NPTX1: variants seen among roughly 807,000 people sequenced by gnomAD.
NPTX1 encodes neuronal pentraxin 1.
NPTX1 carries 12 observed loss-of-function variants against 38.7 expected under a neutral mutation model. The observed-to-expected ratio is 0.31, with a 90% confidence interval of 0.20 to 0.50. The LOEUF is 0.50. Ranked by LOEUF, NPTX1 falls within the 20% of genes least tolerant of loss-of-function variation. The probability of loss-of-function intolerance (pLI) is 0.98; values close to 1 mark genes in which losing one functional copy is unlikely to be tolerated. For synonymous variants in NPTX1, 272 were observed against 264.9 expected (o/e 1.03, Z -0.26); for missense variants, 454 against 592.2 (o/e 0.77, Z 2.42).
In NPTX1 at chr17:80,470,660, A is replaced by T. The variant is rs549894203; in HGVS notation, c.*153T>A. On this transcript the variant is annotated 3_prime_UTR_variant, in exon 5 of 5. Coordinates refer to ENST00000306773, the MANE Select transcript of NPTX1 (RefSeq NM_002522.4). ...TGGGAGCAGGGGCTGCTTCGTGTGC[A>T]TGAGGACAAAACCAGGCTGTGTGCG... 2 of 588,426 alleles carry T rather than the reference A, an allele frequency of 3.4e-6. No homozygotes were observed. 36.5% of individuals were successfully genotyped at this position (588,426 alleles called of 1,614,324 possible).
rs1049366187 is a variant in NPTX1 at position 80,467,479 on chromosome 17, T to C, written c.*3334A>G. Reference sequence around the variant, plus strand: ...CTCCAAGACACAGGTTCACCATAAATGGCCAGTTTTACCTCCTGGTCCCCA... The same window carrying C: ...CTCCAAGACACAGGTTCACCATAAACGGCCAGTTTTACCTCCTGGTCCCCA... On this transcript the variant is annotated 3_prime_UTR_variant, in exon 5 of 5. Transcript: ENST00000306773. 6.6e-6 allele frequency: 1 copy of C among 152,618 alleles called. No homozygotes were observed. The highest frequency in any genetic ancestry group is 2.1e-4 in the South Asian group (1 of 4,832). The allele number at this position is 152,618 out of a possible 1,614,324, so 9.5% of individuals were successfully genotyped here.
chr17:80,471,669 T>C (rs2083842875), intron 4 of NPTX1, 63 bp downstream of exon 4: 1 of 1,551,564 alleles, frequency 6.4e-7, no homozygotes. Flanking sequence ...CTTGCTCCTC[T>C]TCCCCTTCCC....
chr17:80,474,011 G>A (rs2083858731), intron 2 of NPTX1: 1 of 158,838 alleles, frequency 6.3e-6, no homozygotes, highest in African/African-American at 2.4e-5. Context: ...CCTCTTGGGT[G>A]TGAGGCTGGG....
rs768187298 is a variant in NPTX1, at chr17:80,471,855, G to A, written c.954C>T (p.Thr318=). ...CCCAGACCCCGTCCCGGGTGGTCCA[G>A]GTGACACAGATGTGGTGCCACTTGC... ...NDGKWHHICV[T]WTTRDGVWEA... is the part of the protein sequence containing the mutation. The change falls in exon 4 of 5, where the codon ACC becomes ACT. Residue 318 remains threonine, a synonymous_variant. Transcript: ENST00000306773. 1 of 1,613,700 alleles carries A rather than the reference G, an allele frequency of 6.2e-7. No homozygotes were observed. The highest frequency in any genetic ancestry group is 8.5e-7 in the Non-Finnish European group (1 of 1,180,008).
chr17:80,472,080 C>T (rs937363666), intron 3 of NPTX1, among the ~76,000 whole-genome samples, 169 bp from the exon 4 acceptor site: 15 of 152,260 alleles, frequency 9.9e-5, no homozygotes, highest in African/African-American at 3.4e-4. Context: ...CTGTCAGCCC[C>T]GCCTGGGCGT....
intron 3 of NPTX1, among the ~76,000 whole-genome samples, chr17:80,472,981 C>T (rs1318685322): frequency 1.3e-5 from 2 of 152,210 alleles, no homozygotes; most frequent in Middle Eastern, 3.2e-3. Flanking sequence ...AGGAGGCATC[C>T]GGGAAGGTCC....
Position 80,467,193 on chromosome 17 carries a change from T to TC in NPTX1, c.*3619dup, listed in dbSNP as rs397946879. The TC allele has an allele frequency of 6.7e-6, 1 of 150,112 alleles. No homozygotes were observed. Among genetic ancestry groups the TC allele is most frequent in the Non-Finnish European group, 1.5e-5 (1 of 67,304 alleles). 9.3% of individuals were successfully genotyped at this position (150,112 alleles called of 1,614,324 possible). A position where few individuals can be genotyped will look rare whatever the true frequency, so the allele number is the denominator to read the frequency against. On this transcript the variant is annotated 3_prime_UTR_variant, in exon 5 of 5. Transcript: ENST00000306773. ...GACTCTAAGTATTGGGCTTTTTTTT[T>TC]CTCTTCAATGACTTGTTCCCTTTCA... is the stretch of plus-strand genomic sequence containing the variant.
Position 80,470,789 on chromosome 17 carries a change from C to G in NPTX1, c.*24G>C, listed in dbSNP as rs1416801441. 4.0e-6 allele frequency: 6 copies of G among 1,502,684 alleles called. No homozygotes were observed. Among genetic ancestry groups the G allele is most frequent in the Non-Finnish European group, 5.5e-6 (6 of 1,096,070 alleles). 93.1% of individuals were successfully genotyped at this position (1,502,684 alleles called of 1,614,324 possible). On this transcript the variant is annotated 3_prime_UTR_variant, in exon 5 of 5. Transcript: ENST00000306773. ...CGCACAAGCAGGGGGCGAGGGCGGGCGGGCTCAGCCTGGCCTGCCGTGCTC... is the reference window on the plus strand; with the variant it reads ...CGCACAAGCAGGGGGCGAGGGCGGGGGGGCTCAGCCTGGCCTGCCGTGCTC...
In NPTX1 at chr17:80,475,800, T is replaced by A; in HGVS notation, c.445-82A>T. 1 of 1,133,762 alleles carries A rather than the reference T, an allele frequency of 8.8e-7. No homozygotes were observed. The highest frequency in any genetic ancestry group is 1.3e-6 in the Non-Finnish European group (1 of 799,322). 70.2% of individuals were successfully genotyped at this position (1,133,762 alleles called of 1,614,324 possible). On this transcript the variant is annotated intron_variant, in intron 1 of 4. Coordinates refer to ENST00000306773, the MANE Select transcript of NPTX1 (RefSeq NM_002522.4). The surrounding 1 kb of genome is among the most constrained non-coding windows in gnomAD (Gnocchi z 6.5). ...CTGGAAGGCCCGCGGCGCGGTCCCC[T>A]CTGGGCGACTGCGGGGGCGGCCTGG...
chr17:80,470,801 G>C lies in NPTX1; in HGVS notation c.*12C>G, dbSNP rs764106059. On this transcript the variant is annotated 3_prime_UTR_variant, in exon 5 of 5. Coordinates refer to ENST00000306773, the MANE Select transcript of NPTX1 (RefSeq NM_002522.4). The stretch of plus-strand genomic sequence containing the variant: ...GGGCGAGGGCGGGCGGGCTCAGCCT[G>C]GCCTGCCGTGCTCAGTTGATCTGGC... 4 of 1,561,478 alleles carry C rather than the reference G, an allele frequency of 2.6e-6. No homozygotes were observed. The East Asian group carries it at 6.8e-5, about 27-fold the overall frequency.
chr17:80,473,562 T>A, intron 2 of NPTX1, 118 bp from the exon 3 acceptor site: 7 of 1,040,456 alleles, frequency 6.7e-6, no homozygotes, highest in Non-Finnish European at 1.0e-5. Context: ...CGGTCTCCAT[T>A]CTGGAGACGC....
chr17:80,473,478 C>G, intron 2 of NPTX1, 34 bp from the exon 3 acceptor site: 5 of 1,608,994 alleles, frequency 3.1e-6, no homozygotes, highest in Non-Finnish European at 4.2e-6. Flanking sequence ...TCTGCACCTG[C>G]GTGAAGTGCT....
chr17:80,473,160 G>C, intron 3 of NPTX1, 40 bp downstream of exon 3: 1 of 1,598,564 alleles, frequency 6.3e-7, no homozygotes, highest in Non-Finnish European at 8.5e-7. Context: ...GGGCCCTGGG[G>C]CCTCGCCCTG....
At position 80,476,486 on chromosome 17, in the gene NPTX1, G is replaced by A. The variant is rs1216756824; in HGVS notation, c.-40C>T. 8.9e-7 allele frequency: 1 copy of A among 1,126,736 alleles called. No homozygotes were observed. Among genetic ancestry groups the A allele is most frequent in the South Asian group, 4.3e-5 (1 of 23,292 alleles). 69.8% of individuals were successfully genotyped at this position (1,126,736 alleles called of 1,614,324 possible). ...GGCGCTCCGGGCCCGGCTCGGCTCGGCTGGGGCTCGGCTCCGGCTGGGACC... is the reference window on the plus strand; with the variant it reads ...GGCGCTCCGGGCCCGGCTCGGCTCGACTGGGGCTCGGCTCCGGCTGGGACC... On this transcript the variant is annotated 5_prime_UTR_variant, in exon 1 of 5. Coordinates refer to ENST00000306773, the MANE Select transcript of NPTX1 (RefSeq NM_002522.4). The surrounding 1 kb of genome is among the most constrained non-coding windows in gnomAD (Gnocchi z 6.3).
In NPTX1 at chr17:80,467,885, A is replaced by G. The variant is rs1053870020; in HGVS notation, c.*2928T>C. ...AAATAATACTGTGTTATCAAAAGCA[A>G]GAAGGCTTACGACTCAAGTGGGATC... On this transcript the variant is annotated 3_prime_UTR_variant, in exon 5 of 5. Coordinates refer to ENST00000306773, the MANE Select transcript of NPTX1 (RefSeq NM_002522.4). 1 of 152,652 alleles carries G rather than the reference A, an allele frequency of 6.6e-6. No homozygotes were observed. The highest frequency in any genetic ancestry group is 1.5e-5 in the Non-Finnish European group (1 of 68,050). The allele number at this position is 152,652 out of a possible 1,614,324, so 9.5% of individuals were successfully genotyped here. A position where few individuals can be genotyped will look rare whatever the true frequency, so the allele number is the denominator to read the frequency against.
chr17:80,471,691 C>G (rs770084879), intron 4 of NPTX1, 41 bp downstream of exon 4: 1 of 1,578,544 alleles, frequency 6.3e-7, no homozygotes, highest in South Asian at 1.1e-5. Flanking sequence ...GCCTCTGGTT[C>G]TGAAGCTCTC....
chr17:80,468,100 A>T lies in NPTX1; in HGVS notation c.*2713T>A, dbSNP rs940933682. The T allele has an allele frequency of 1.3e-5, 2 of 152,686 alleles. No individual in the cohort carries two copies. Among genetic ancestry groups the T allele is most frequent in the African/African-American group, 4.8e-5 (2 of 41,466 alleles). The allele number at this position is 152,686 out of a possible 1,614,324, so 9.5% of individuals were successfully genotyped here. A position where few individuals can be genotyped will look rare whatever the true frequency, so the allele number is the denominator to read the frequency against. ...TGCAAGAGGGAACATCAATCAGATT[A>T]AGGAGTAAATGGGAACTACGTGGAT... is the stretch of plus-strand genomic sequence containing the variant. On this transcript the variant is annotated 3_prime_UTR_variant, in exon 5 of 5. Transcript: ENST00000306773.
In NPTX1 at chr17:80,476,534, A is replaced by G; in HGVS notation, c.-88T>C. On this transcript the variant is annotated 5_prime_UTR_variant, in exon 1 of 5. Transcript: ENST00000306773. This position sits in a 1 kb window ranked among gnomAD's most constrained non-coding sequence, Gnocchi z 6.3. The stretch of plus-strand genomic sequence containing the variant: ...ACCCGGCTCGGGCTGTGGCTCCGCG[A>G]GCGGCCCGCGCTCTGGGCGCCGCGC... 2.7e-6 allele frequency: 2 copies of G among 742,468 alleles called. No homozygotes were observed. Among genetic ancestry groups the G allele is most frequent in the Non-Finnish European group, 3.3e-6 (2 of 603,706 alleles). The allele number at this position is 742,468 out of a possible 1,614,324, so 46.0% of individuals were successfully genotyped here. A position where few individuals can be genotyped will look rare whatever the true frequency, so the allele number is the denominator to read the frequency against.
Position 80,475,615 on chromosome 17 carries a change from G to A in NPTX1, c.548C>T (p.Thr183Ile). 6 of 1,612,756 alleles carry A rather than the reference G, an allele frequency of 3.7e-6. No homozygotes were observed. Among genetic ancestry groups the A allele is most frequent in the Non-Finnish European group, 5.1e-6 (6 of 1,179,764 alleles). Residue 183 changes from threonine to isoleucine, a missense_variant, in exon 2 of 5, where the codon ACC (threonine) becomes ATC (isoleucine). Physicochemically the swap from Thr to Ile is moderately conservative, Grantham distance 89. Coordinates refer to ENST00000306773, the MANE Select transcript of NPTX1 (RefSeq NM_002522.4). The surrounding 1 kb of genome is among the most constrained non-coding windows in gnomAD (Gnocchi z 6.5). ...LERQVLSRVN[T>I]LEEGKGGPRN... The stretch of plus-strand genomic sequence containing the variant: ...GGGGCCCCCCTTGCCCTCCTCCAGG[G>A]TGTTCACCCGGGACAGCACCTGCCT...
Sources: allele counts gnomAD v4.1 joint callset (sites outside exome capture counted in the v4.1 genomes callset), GRCh38; gene constraint gnomAD v4.1.1; non-coding constraint Gnocchi (gnomAD v3.1); transcripts MANE v1.5; gene names NCBI Gene and HGNC (gene_info 2026-07-23, HGNC 2026-07-21).